TMEM156: variants seen among roughly 807,000 people sequenced by gnomAD.
The protein encoded by TMEM156 is transmembrane protein 156.
In TMEM156, 28 loss-of-function variants were observed where a neutral mutation model predicts 30.5. The observed-to-expected ratio is 0.92, with a 90% confidence interval of 0.68 to 1.26. The LOEUF is 1.26. TMEM156 is among the 50% of genes most tolerant of loss of function. The probability of loss-of-function intolerance (pLI) is 0.00; values close to 1 mark genes in which losing one functional copy is unlikely to be tolerated. For missense variants in TMEM156, 351 were observed against 340.6 expected (o/e 1.03, Z -0.24); for synonymous variants, 137 against 119.9 (o/e 1.14, Z -0.93).
At chr4:39,021,851 T>A (rs1321448879) in intron 1 of TMEM156, among the ~76,000 whole-genome samples, 1 of 152,236 alleles carries the variant, frequency 6.6e-6, no homozygotes. Flanking sequence ...CTGTGCTTAC[T>A]CATACTTTTT....
intron 1 of TMEM156, among the ~76,000 whole-genome samples, chr4:39,008,705 C>A (rs1369548202): frequency 1.3e-5 from 2 of 152,086 alleles, no homozygotes; most frequent in East Asian, 1.9e-4. Flanking sequence ...TCAAAAAATT[C>A]TTTGAAACAA....
At chr4:39,004,507 A>G (rs1362288088) in intron 1 of TMEM156, among the ~76,000 whole-genome samples, 1 of 152,072 alleles carries the variant, frequency 6.6e-6, no homozygotes, top group Non-Finnish European at 1.5e-5. Flanking sequence ...CATTTGAAGC[A>G]CCCCTATCTC....
chr4:38,984,309 C>T (rs1021119981), intron 5 of TMEM156, among the ~76,000 whole-genome samples: 14 of 137,518 alleles, frequency 1.0e-4, no homozygotes, highest in African/African-American at 4.5e-4. Context: ...GCCCATTTAT[C>T]TCTCTCTCTC....
At chr4:38,991,595 A>G (rs1712469453) in intron 3 of TMEM156, among the ~76,000 whole-genome samples, 1 of 152,152 alleles carries the variant, frequency 6.6e-6, no homozygotes, top group African/African-American at 2.4e-5. Flanking sequence ...TTTGTGCACC[A>G]CTGCTATCTT....
Position 39,032,347 on chromosome 4 carries a change from A to C in TMEM156, c.-34T>G. 1 of 1,363,458 alleles carries C rather than the reference A, an allele frequency of 7.3e-7. No individual in the cohort carries two copies. The highest frequency in any genetic ancestry group is 1.0e-6 in the Non-Finnish European group (1 of 961,230). The allele number at this position is 1,363,458 out of a possible 1,614,324, so 84.5% of individuals were successfully genotyped here. ...ACATGACACAAATGTGTTCCCTTGC[A>C]GTACATTCATGGTATGTTGCTTCCT... On this transcript the variant is annotated 5_prime_UTR_variant, in exon 1 of 7. Coordinates refer to ENST00000381938, the MANE Select transcript of TMEM156 (RefSeq NM_024943.3).
intron 1 of TMEM156, among the ~76,000 whole-genome samples, chr4:39,009,708 T>C (rs890466557): frequency 3.3e-5 from 5 of 152,144 alleles, no homozygotes; most frequent in Non-Finnish European, 7.4e-5. Flanking sequence ...TTTTTCATGA[T>C]AAAAGCCCTC....
At chr4:38,991,983 A>AT (rs1047361618) in intron 3 of TMEM156, among the ~76,000 whole-genome samples, 1 of 152,082 alleles carries the variant, frequency 6.6e-6, no homozygotes, top group Non-Finnish European at 1.5e-5. Context: ...ATGACCCCTA[A>AT]TTGCAGAGGT....
intron 1 of TMEM156, among the ~76,000 whole-genome samples, chr4:39,010,191 G>A (rs1714014609): frequency 6.6e-6 from 1 of 152,038 alleles, no homozygotes; most frequent in Non-Finnish European, 1.5e-5. Flanking sequence ...ATCTAACCAA[G>A]GAGATGAAAG....
chr4:38,969,988 T>C (rs114833248), intron 6 of TMEM156, among the ~76,000 whole-genome samples: 2,365 of 152,328 alleles, frequency 0.016, 75 homozygotes, highest in African/African-American at 0.054. Context: ...CCTACTGTTT[T>C]CTGTAGTGGC....
chr4:39,010,937 T>C (rs1219761826), intron 1 of TMEM156, among the ~76,000 whole-genome samples: 7 of 152,256 alleles, frequency 4.6e-5, no homozygotes, highest in African/African-American at 1.4e-4. Flanking sequence ...CTAAAGGGTT[T>C]CTTCACTGCA....
chr4:39,002,040 A>C (rs1354266118), intron 1 of TMEM156, among the ~76,000 whole-genome samples: 3 of 135,894 alleles, frequency 2.2e-5, no homozygotes, highest in East Asian at 2.4e-4. Flanking sequence ...AATGGGATCT[A>C]ATTAAACTAA....
intron 5 of TMEM156, among the ~76,000 whole-genome samples, chr4:38,975,004 T>C (rs1233215489): frequency 2.0e-5 from 3 of 152,228 alleles, no homozygotes; most frequent in South Asian, 4.1e-4. Flanking sequence ...TAGTAACTAC[T>C]GTTTAAGGGG....
rs73135884 is a variant in TMEM156 at position 38,968,968 on chromosome 4, G to A, written c.*39-1327C>T. On this transcript the variant is annotated intron_variant, in intron 6 of 6. Transcript: ENST00000381938. ...TCAATGGGGGAGTACTAGCACATTA[G>A]AGGAAGAGATGATGGCAAAGTTGGG... Among the ~76,000 whole-genome samples the A allele has an allele frequency of 5.5e-3, 836 of 152,282 alleles. 8 individuals carry two copies. Among genetic ancestry groups the A allele is most frequent in the African/African-American group, 0.019 (806 of 41,556 alleles).
At chr4:39,015,254 A>G in intron 1 of TMEM156, among the ~76,000 whole-genome samples, 1 of 152,198 alleles carries the variant, frequency 6.6e-6, no homozygotes, top group Non-Finnish European at 1.5e-5. Context: ...CTGTAAATAT[A>G]TTACATAACA....
chr4:39,015,464 G>C (rs1450949470), intron 1 of TMEM156, among the ~76,000 whole-genome samples: 1 of 152,150 alleles, frequency 6.6e-6, no homozygotes, highest in Non-Finnish European at 1.5e-5. Context: ...ATGGAAGGAG[G>C]CCACAAGCCA....
At chr4:39,032,046 T>TTAGG (rs1399791488) in intron 1 of TMEM156, among the ~76,000 whole-genome samples, 180 bp downstream of exon 1, 1 of 152,174 alleles carries the variant, frequency 6.6e-6, no homozygotes, top group African/African-American at 2.4e-5. Flanking sequence ...GTACTATGAA[T>TTAGG]TAGGTTACTG....
chr4:38,976,186 C>T lies in TMEM156; in HGVS notation c.824-5049G>A, dbSNP rs1722841329. On this transcript the variant is annotated intron_variant, in intron 5 of 6. Transcript: ENST00000381938. ...CCTGTAATCTCAGTTATTTGGGAGG[C>T]TGAGGCAGGAGAATCCCTTCAACTC... 2.0e-5 allele frequency among the ~76,000 whole-genome samples: 3 copies of T among 149,410 alleles called. No homozygotes were observed. In the Admixed American group the frequency reaches 2.0e-4, roughly 10 times the overall value.
chr4:38,977,833 A>C (rs952770461), intron 5 of TMEM156, among the ~76,000 whole-genome samples: 2 of 152,226 alleles, frequency 1.3e-5, no homozygotes, highest in Non-Finnish European at 1.5e-5. Context: ...AAACTGATTA[A>C]AAATAAAATT....
intron 5 of TMEM156, among the ~76,000 whole-genome samples, chr4:38,983,922 C>A (rs899933400): frequency 1.3e-5 from 2 of 152,182 alleles, no homozygotes; most frequent in Admixed American, 1.3e-4. Context: ...ATACTTATTT[C>A]CCTTGAGGGT....
Sources: gnomAD v4.1 joint callset for allele counts (sites outside exome capture counted in the v4.1 genomes callset) on GRCh38, gnomAD v4.1.1 for gene constraint, MANE v1.5 for transcripts, NCBI Gene and HGNC (gene_info 2026-07-23, HGNC 2026-07-21) for gene names.